The following LNPEP variants were observed in gnomAD, a reference collection of about 807,000 sequenced individuals.
LNPEP encodes leucyl and cystinyl aminopeptidase.
Under a neutral mutation model 120.6 loss-of-function variants are expected in LNPEP, and 64 were observed. The observed-to-expected ratio is 0.53, with a 90% CI of 0.43 to 0.65. LNPEP has a LOEUF of 0.65. Among genes scored for constraint, LNPEP ranks in the 30% least tolerant of loss-of-function variants. The pLI, the probability that LNPEP is intolerant of heterozygous loss-of-function variation, is 0.00. For synonymous variants in LNPEP, 435 were observed against 425.4 expected, an observed-to-expected ratio of 1.02 and a Z score of -0.28; for missense variants, 1,057 against 1,200.0, an observed-to-expected ratio of 0.88 and a Z score of 1.76.
intron 2 of LNPEP, among the ~76,000 whole-genome samples, chr5:96,984,030 G>T (rs1467511642): frequency 6.6e-6 from 1 of 152,086 alleles, no homozygotes; most frequent in Non-Finnish European, 1.5e-5. Context: ...GCCTACCTTT[G>T]TGGCTTCATC....
chr5:97,023,865 GC>G (rs1182494139), intron 14 of LNPEP, among the ~76,000 whole-genome samples: 1 of 152,164 alleles, frequency 6.6e-6, no homozygotes, highest in African/African-American at 2.4e-5. Flanking sequence ...GCCAACACTT[GC>G]CATTTTCTGG....
chr5:96,961,656 C>G (rs1001938924), intron 1 of LNPEP, among the ~76,000 whole-genome samples: 1 of 152,126 alleles, frequency 6.6e-6, no homozygotes, highest in Non-Finnish European at 1.5e-5. Context: ...TCCCCCCTAC[C>G]AAAATCCACC....
chr5:96,999,667 A>G (rs1202711626), intron 8 of LNPEP, among the ~76,000 whole-genome samples: 4 of 152,110 alleles, frequency 2.6e-5, no homozygotes, highest in African/African-American at 9.7e-5. Flanking sequence ...AACAGAACAG[A>G]GTCATAACAG....
At chr5:96,973,627 G>A (rs1247038016) in intron 1 of LNPEP, among the ~76,000 whole-genome samples, 6 of 152,068 alleles carry the variant, frequency 3.9e-5, no homozygotes, top group Non-Finnish European at 8.8e-5. Context: ...GTATGTGGGA[G>A]GATATGCAAA....
chr5:96,973,511 A>G (rs757197714), intron 1 of LNPEP, among the ~76,000 whole-genome samples: 3 of 152,178 alleles, frequency 2.0e-5, no homozygotes, highest in Non-Finnish European at 4.4e-5. Context: ...GAAGAATATT[A>G]GACTTTTTTC....
chr5:96,959,061 T>C (rs1379692937), intron 1 of LNPEP, among the ~76,000 whole-genome samples: 2 of 152,140 alleles, frequency 1.3e-5, no homozygotes, highest in Non-Finnish European at 1.5e-5. Context: ...CTTGACTTCA[T>C]GATCCGCTTG....
chr5:97,022,564 C>T (rs1399639041), intron 14 of LNPEP, 80 bp downstream of exon 14: 2 of 1,141,884 alleles, frequency 1.8e-6, no homozygotes, highest in Non-Finnish European at 2.6e-6. Context: ...GTATTCTCAT[C>T]CTGGATCATA....
intron 16 of LNPEP, among the ~76,000 whole-genome samples, chr5:97,027,528 A>C (rs185225270): frequency 7.1e-4 from 108 of 152,162 alleles, no homozygotes; most frequent in African/African-American, 2.5e-3. Context: ...AATTGTCTGC[A>C]TGTTCTGAAC....
intron 15 of LNPEP, 109 bp downstream of exon 15, chr5:97,024,791 C>A: frequency 1.0e-6 from 1 of 960,718 alleles, no homozygotes; most frequent in Non-Finnish European, 1.5e-6. Flanking sequence ...ACTTCTGTTA[C>A]AGGCCAGGCC....
chr5:96,967,214 T>G (rs1789747846), intron 1 of LNPEP, among the ~76,000 whole-genome samples: 1 of 152,106 alleles, frequency 6.6e-6, no homozygotes, highest in Non-Finnish European at 1.5e-5. Context: ...AAGAATTAAG[T>G]GTCTCTAAAG....
chr5:96,979,940 T>A lies in LNPEP; in HGVS notation c.822T>A (p.Phe274Leu). Residue 274 changes from phenylalanine (F) to leucine (L), a missense_variant, in exon 2 of 18, where the codon TTT (phenylalanine) becomes TTA (leucine). Transcript: ENST00000231368. ...SANISSSYYG[F>L]YGFSYTDESN... ...ATATATCTAGTTCTTATTATGGGTT[T>A]TATGGCTTCTCCTACACAGATGAAA... is the stretch of plus-strand genomic sequence containing the variant. 1 of 1,610,034 alleles carries A rather than the reference T, an allele frequency of 6.2e-7. No individual in the cohort carries two copies. The highest frequency in any genetic ancestry group is 8.5e-7 in the Non-Finnish European group (1 of 1,177,186).
chr5:97,016,373 T>G (rs1458060908), intron 13 of LNPEP, among the ~76,000 whole-genome samples: 1 of 152,136 alleles, frequency 6.6e-6, no homozygotes, highest in African/African-American at 2.4e-5. Context: ...CCGTGCTTAG[T>G]GCTTAATGTA....
chr5:97,017,000 A>G (rs562056664), intron 13 of LNPEP, among the ~76,000 whole-genome samples: 5 of 152,308 alleles, frequency 3.3e-5, no homozygotes, highest in Admixed American at 3.3e-4. Context: ...TCTATGGGAT[A>G]TATGTCTGGA....
At chr5:96,968,504 G>A (rs1264147964) in intron 1 of LNPEP, among the ~76,000 whole-genome samples, 1 of 151,876 alleles carries the variant, frequency 6.6e-6, no homozygotes, top group East Asian at 1.9e-4. Context: ...TTTTTTCAGG[G>A]CCCATTTAAG....
chr5:96,937,430 C>T (rs1316301148), intron 1 of LNPEP: 1 of 152,196 alleles, frequency 6.6e-6, no homozygotes, highest in Non-Finnish European at 1.5e-5. Context: ...CTTTCTCATT[C>T]AGGTTCTATT....
At chr5:96,966,609 T>C (rs904001265) in intron 1 of LNPEP, among the ~76,000 whole-genome samples, 1 of 151,640 alleles carries the variant, frequency 6.6e-6, no homozygotes, top group African/African-American at 2.4e-5. Context: ...CCACTTAGTA[T>C]ATGTCGGAAC....
intron 8 of LNPEP, among the ~76,000 whole-genome samples, chr5:97,002,459 G>A (rs148089651): frequency 6.6e-6 from 1 of 152,308 alleles, no homozygotes; most frequent in African/African-American, 2.4e-5. Context: ...ACAACAGTGA[G>A]TACTTAAATT....
intron 1 of LNPEP, chr5:96,958,425 G>A (rs1461178411): frequency 3.1e-6 from 3 of 977,124 alleles, no homozygotes; most frequent in African/African-American, 1.8e-5. Flanking sequence ...AGCATAACTC[G>A]AAATGCCACA....
chr5:97,018,133 A>G (rs1021629711), intron 13 of LNPEP, among the ~76,000 whole-genome samples: 2 of 152,196 alleles, frequency 1.3e-5, no homozygotes, highest in East Asian at 1.9e-4. Context: ...TTGAGGGGAT[A>G]CTATTCAACC....
Sources: gnomAD v4.1 joint callset for allele counts (sites outside exome capture counted in the v4.1 genomes callset) on GRCh38, gnomAD v4.1.1 for gene constraint, MANE v1.5 for transcripts, NCBI Gene and HGNC (gene_info 2026-07-23, HGNC 2026-07-21) for gene names.